Variants in PRX observed in about 807,000 individuals in gnomAD.
PRX encodes periaxin.
In PRX, 24 loss-of-function variants were observed where a neutral mutation model predicts 29.6. The ratio of observed to expected loss-of-function variants is 0.81; its 90% CI spans 0.59 to 1.14. PRX has a LOEUF of 1.14. Ranked by LOEUF, PRX falls within the 50% of genes most tolerant of loss-of-function variation. The probability of loss-of-function intolerance (pLI) is 0.00; values close to 1 mark genes in which losing one functional copy is unlikely to be tolerated. For synonymous variants in PRX, 772 were observed against 831.7 expected (o/e 0.93, Z 1.24); for missense variants, 1,838 against 1,926.4 (o/e 0.95, Z 0.86).
chr19:40,402,820 G>C (rs1282710860), intron 5 of PRX, among the ~76,000 whole-genome samples: 1 of 149,368 alleles, frequency 6.7e-6, no homozygotes, highest in Non-Finnish European at 1.5e-5. Flanking sequence ...AGCTCCATAA[G>C]TGCAGGGACT....
At chr19:40,412,470 T>C (rs2145750545) in intron 1 of PRX, among the ~76,000 whole-genome samples, 1 of 152,144 alleles carries the variant, frequency 6.6e-6, no homozygotes, top group East Asian at 1.9e-4. Context: ...TAGTAAATGC[T>C]TGATTAATAT....
intron 5 of PRX, among the ~76,000 whole-genome samples, chr19:40,401,491 A>G (rs1200496645): frequency 6.6e-6 from 1 of 152,196 alleles, no homozygotes; most frequent in Non-Finnish European, 1.5e-5. Context: ...AGTTCAGCAC[A>G]GTCAATTCAC....
intron 5 of PRX, among the ~76,000 whole-genome samples, chr19:40,402,439 C>T (rs142533232): frequency 6.6e-6 from 1 of 152,166 alleles, no homozygotes; most frequent in African/African-American, 2.4e-5. Flanking sequence ...GCACTTACTG[C>T]TTTCTAATTT....
chr19:40,395,196 C>G lies in PRX; in HGVS notation c.3156G>C (p.Trp1052Cys). 1 of 1,614,176 alleles carries G rather than the reference C, an allele frequency of 6.2e-7. No homozygotes were observed. Among genetic ancestry groups the G allele is most frequent in the Non-Finnish European group, 8.5e-7 (1 of 1,180,024 alleles). The change falls in exon 7 of 7, where the codon TGG (tryptophan) becomes TGC (cysteine). Residue 1052 changes from tryptophan (W) to cysteine (C), a missense_variant. By Grantham distance (215) the Trp-to-Cys change is radical. This residue lies in a region of PRX where 1,143 missense variants were observed against 1,193.0 expected (regional missense o/e 0.96). Coordinates refer to ENST00000324001, the MANE Select transcript of PRX (RefSeq NM_181882.3). ...VAELEGKGWG[W>C]DGRVKMPKLK... ...GCTTGGGCATCTTCACCCTCCCATC[C>G]CAGCCCCAGCCCTTGCCCTCCAACT... is the stretch of plus-strand genomic sequence containing the variant.
At chr19:40,407,633 G>T in intron 4 of PRX, 1 of 585,132 alleles carries the variant, frequency 1.7e-6, no homozygotes, top group Non-Finnish European at 3.1e-6. Context: ...GGTTTCTGCC[G>T]GATTTTCTTC....
In PRX at chr19:40,407,920, T is replaced by C. The variant is rs767350599; in HGVS notation, c.13A>G (p.Ser5Gly). 3.5e-5 allele frequency: 57 copies of C among 1,613,656 alleles called. No individual in the cohort carries two copies. Among genetic ancestry groups the C allele is most frequent in the Non-Finnish European group, 4.5e-5 (53 of 1,180,044 alleles). ...TGGGCACTCACCTCGGCACTCCGGC[T>C]CCTGGCCTCCATGGCGTTGCTGGGA... MEAR[S>G]RSAEELRRAE... Residue 5 changes from serine to glycine, a missense_variant, in exon 4 of 7, where the codon AGC becomes GGC. Ser to Gly is a moderately conservative substitution (Grantham distance 56). Transcript: ENST00000324001.
Position 40,396,305 on chromosome 19 carries a change from C to T in PRX, c.2047G>A (p.Val683Met), listed in dbSNP as rs575075163. ...MAVPEVRLPE[V>M]QLPKVSEMKL... The stretch of plus-strand genomic sequence containing the variant: ...ATCTCTGAGACTTTTGGCAGCTGCA[C>T]CTCGGGGAGTCGAACCTCTGGCACA... The change falls in exon 7 of 7, where the codon GTG becomes ATG. Residue 683 changes from valine to methionine, a missense_variant. By Grantham distance (21) the Val-to-Met change is conservative. This residue lies in a region of PRX where 1,143 missense variants were observed against 1,193.0 expected (regional missense o/e 0.96). Coordinates refer to ENST00000324001, the MANE Select transcript of PRX (RefSeq NM_181882.3). The T allele has an allele frequency of 3.8e-5, 61 of 1,608,374 alleles. No homozygotes were observed. The East Asian group carries it at 1.2e-3, about 32-fold the overall frequency.
chr19:40,395,552 GT>G lies in PRX; in HGVS notation c.2799del (p.Leu933PhefsTer25). 6.2e-7 allele frequency: 1 copy of G among 1,614,180 alleles called. No homozygotes were observed. Among genetic ancestry groups the G allele is most frequent in the Non-Finnish European group, 8.5e-7 (1 of 1,180,034 alleles). ...TTTGGCCCCGAGAGTCCAAACTTAGGTAAGGAGAACTTGGAAGAGGGCTTGA... is the reference window on the plus strand; with the variant it reads ...TTTGGCCCCGAGAGTCCAAACTTAGGAAGGAGAACTTGGAAGAGGGCTTGA... ...TKVKPSSKFSLPKFGLSGPKV... is the reference protein window; with the variant it reads ...TKVKPSSKFSXPKFGLSGPKV... On this transcript the variant is annotated frameshift_variant, in exon 7 of 7. Transcript: ENST00000324001. LOFTEE classifies it low-confidence loss of function (END_TRUNC).
At chr19:40,410,899 C>T (rs2079555574) in intron 1 of PRX, among the ~76,000 whole-genome samples, 2 of 152,000 alleles carry the variant, frequency 1.3e-5, no homozygotes, top group South Asian at 2.1e-4. Context: ...ATAAAAAAAG[C>T]TCCAGCGCTT....
rs533701643 is a variant in PRX, at chr19:40,403,944, C to CATATACATAT, written c.28-92_28-83dup. The CATATACATAT allele has an allele frequency of 9.6e-4, 1,363 of 1,422,850 alleles. 11 individuals carry two copies. In the African/African-American group the frequency reaches 0.016, roughly 17 times the overall value. 88.1% of individuals were successfully genotyped at this position (1,422,850 alleles called of 1,614,324 possible). On this transcript the variant is annotated intron_variant, in intron 4 of 6. Transcript: ENST00000324001. Reference sequence around the variant, plus strand: ...CCCGCCATTGCGCTCAACAGTGGCTCATATACATATATATGTTTATATATA... The same window carrying CATATACATAT: ...CCCGCCATTGCGCTCAACAGTGGCTCATATACATATATATACATATATATGTTTATATATA...
Position 40,395,231 on chromosome 19 carries a change from C to G in PRX, c.3121G>C (p.Gly1041Arg). ...CCCTTGCCCTCCAACTCAGCCACCCCTGGCACTAGTTCTGCTGCCTCAGTG... is the reference window on the plus strand; with the variant it reads ...CCCTTGCCCTCCAACTCAGCCACCCGTGGCACTAGTTCTGCTGCCTCAGTG... Reference protein sequence around the residue: ...RDTEAAELVPGVAELEGKGWG... With the variant: ...RDTEAAELVPRVAELEGKGWG... The change falls in exon 7 of 7, where the codon GGG becomes CGG. Residue 1041 changes from glycine to arginine, a missense_variant. Coordinates refer to ENST00000324001, the MANE Select transcript of PRX (RefSeq NM_181882.3). 6.2e-7 allele frequency: 1 copy of G among 1,614,160 alleles called. No individual in the cohort carries two copies. The highest frequency in any genetic ancestry group is 8.5e-7 in the Non-Finnish European group (1 of 1,180,028).
At chr19:40,414,614 G>A (rs565558990), upstream of PRX, among the ~76,000 whole-genome samples, 52 of 152,214 alleles carry the variant, frequency 3.4e-4, no homozygotes, top group African/African-American at 1.2e-3. Flanking sequence ...GTTGAACCCA[G>A]ACCTGCCCGA....
rs145203783 is a variant in PRX at position 40,395,624 on chromosome 19, C to G, written c.2728G>C (p.Ala910Pro). ...AGCCGCCCTTCCTCAATTTCCACGG[C>G]GGGCAGCTGTGGGGTGACAATTTCA... ...SVEIVTPQLP[A>P]VEIEEGRLEM... The change falls in exon 7 of 7, where the codon GCC becomes CCC. Residue 910 changes from alanine (A) to proline (P), a missense_variant. Physicochemically the swap from Ala to Pro is conservative, Grantham distance 27 (BLOSUM62 -1). This residue lies in a region of PRX where 1,143 missense variants were observed against 1,193.0 expected (regional missense o/e 0.96). Coordinates refer to ENST00000324001, the MANE Select transcript of PRX (RefSeq NM_181882.3). 7 of 1,614,194 alleles carry G rather than the reference C, an allele frequency of 4.3e-6. No homozygotes were observed. Among genetic ancestry groups the G allele is most frequent in the Non-Finnish European group, 5.9e-6 (7 of 1,180,030 alleles).
rs2079413271 is a variant in PRX, at chr19:40,394,665, T to C, written c.3687A>G (p.Arg1229=). The C allele has an allele frequency of 1.2e-6, 2 of 1,608,494 alleles. No homozygotes were observed. Among genetic ancestry groups the C allele is most frequent in the Non-Finnish European group, 1.7e-6 (2 of 1,179,866 alleles). Residue 1229 remains arginine (R), a synonymous_variant, in exon 7 of 7, where the codon CGA becomes CGG. Coordinates refer to ENST00000324001, the MANE Select transcript of PRX (RefSeq NM_181882.3). This position sits in a 1 kb window ranked among gnomAD's most constrained non-coding sequence, Gnocchi z 5.8. The stretch of plus-strand genomic sequence containing the variant: ...TGGCCGCCTCGCCCGCCTGTGCCTC[T>C]CGGCTTAGCCCCACGTCCAGCTCAA... ...PQLELDVGLS[R]EAQAGEAATG... is the part of the protein sequence containing the mutation.
chr19:40,394,450 C>T lies in PRX; in HGVS notation c.3902G>A (p.Gly1301Glu). The change falls in exon 7 of 7, where the codon GGA (glycine) becomes GAA (glutamate). Residue 1301 changes from glycine (G) to glutamate (E), a missense_variant. Gly to Glu is a moderately conservative substitution (Grantham distance 98). Around this residue, in one of 3 missense-constraint regions of PRX, gnomAD observed 1,143 missense variants for 1,193.0 expected, o/e 0.96. Transcript: ENST00000324001. The surrounding 1 kb of genome is among the most constrained non-coding windows in gnomAD (Gnocchi z 5.8). ...GGGCAGCCGTACCTTGAGCTTGTGT[C>T]CGGCCTCTCCCTCCCCCTCTGCCAC... ...YQVAEGEGEA[G>E]HKLKVRLPRF... 1 of 1,601,786 alleles carries T rather than the reference C, an allele frequency of 6.2e-7. No individual in the cohort carries two copies. The highest frequency in any genetic ancestry group is 8.5e-7 in the Non-Finnish European group (1 of 1,174,376).
intron 5 of PRX, among the ~76,000 whole-genome samples, chr19:40,399,538 A>G (rs2079473338): frequency 6.6e-6 from 1 of 152,176 alleles, no homozygotes; most frequent in Admixed American, 6.6e-5. Context: ...ACCTCTGTAT[A>G]GTAAGTCCAA....
chr19:40,405,674 T>C (rs539857860), intron 4 of PRX, among the ~76,000 whole-genome samples: 10 of 135,164 alleles, frequency 7.4e-5, no homozygotes, highest in African/African-American at 2.8e-4. Context: ...AGTCTCGCTC[T>C]GTCACCCAGG....
chr19:40,413,423 GGGA>G (rs2079568341), upstream of PRX: 1 of 152,314 alleles, frequency 6.6e-6, no homozygotes, highest in Non-Finnish European at 1.5e-5. Context: ...ATGGGGAGGG[GGGA>G]GGAGAGAGAG....
chr19:40,397,670 G>A lies in PRX; in HGVS notation c.682C>T (p.Arg228Cys), dbSNP rs751238438. The change falls in exon 7 of 7, where the codon CGT becomes TGT. Residue 228 changes from arginine to cysteine, a missense_variant. By Grantham distance (180) the Arg-to-Cys change is radical (BLOSUM62 -3). Transcript: ENST00000324001. ...AGCTCCACCTGAGGGGCTGTGAAAC[G>A]AGCTCCTGCAGCCACCTCAGCCTCC... is the stretch of plus-strand genomic sequence containing the variant. ...KVEAEVAAGA[R>C]FTAPQVELVG... The A allele has an allele frequency of 2.6e-5, 40 of 1,554,174 alleles. 1 individual carries two copies. Among genetic ancestry groups the A allele is most frequent in the Non-Finnish European group, 3.3e-5 (38 of 1,155,844 alleles).
Sources: gnomAD v4.1 joint callset for allele counts (sites outside exome capture counted in the v4.1 genomes callset) on GRCh38, gnomAD v4.1.1 for gene constraint, gnomAD v4.1.1 regional missense constraint, Gnocchi (gnomAD v3.1) non-coding constraint, MANE v1.5 for transcripts, NCBI Gene and HGNC (gene_info 2026-07-23, HGNC 2026-07-21) for gene names.